CNTN4: variants seen among roughly 807,000 people sequenced by gnomAD.
CNTN4 encodes the protein contactin 4, also known as contactin-4.
In CNTN4, 77 loss-of-function variants were observed where a neutral mutation model predicts 122.5. That is an observed-to-expected ratio of 0.63 (90% CI 0.52 to 0.76). CNTN4 has a LOEUF of 0.76. Ranked by LOEUF, CNTN4 falls within the 30% of genes least tolerant of loss-of-function variation. The probability of loss-of-function intolerance (pLI) is 0.00; values close to 1 mark genes in which losing one functional copy is unlikely to be tolerated. For missense variants in CNTN4, 1,256 were observed against 1,259.1 expected (o/e 1.00, Z 0.04); for synonymous variants, 512 against 447.0 (o/e 1.15, Z -1.83).
chr3:2,790,531 C>T (rs1399962212), intron 6 of CNTN4, among the ~76,000 whole-genome samples: 1 of 152,160 alleles, frequency 6.6e-6, no homozygotes, highest in Non-Finnish European at 1.5e-5. Context: ...GTCACTGGGA[C>T]CCCCAGCTGA....
At chr3:2,181,262 C>T (rs939101046) in intron 2 of CNTN4, among the ~76,000 whole-genome samples, 19 of 151,880 alleles carry the variant, frequency 1.3e-4, no homozygotes, top group Non-Finnish European at 2.8e-4. Flanking sequence ...TGTGATCACC[C>T]CGAGGGTTTT....
chr3:2,406,407 C>G (rs2047038154), intron 3 of CNTN4, among the ~76,000 whole-genome samples: 1 of 152,160 alleles, frequency 6.6e-6, no homozygotes, highest in South Asian at 2.1e-4. Context: ...TATAAATTAA[C>G]TTAGCATCAT....
intron 3 of CNTN4, among the ~76,000 whole-genome samples, chr3:2,339,921 A>G (rs2150356215): frequency 6.6e-6 from 1 of 152,270 alleles, no homozygotes. Context: ...TGCTTCCTCT[A>G]GCTTCTGGTG....
intron 3 of CNTN4, among the ~76,000 whole-genome samples, chr3:2,539,934 A>T (rs1327698018): frequency 6.6e-6 from 1 of 152,058 alleles, no homozygotes; most frequent in African/African-American, 2.4e-5. Context: ...GAGGGAACTC[A>T]AGAGTTATTC....
intron 3 of CNTN4, among the ~76,000 whole-genome samples, chr3:2,483,783 A>G (rs1223285613): frequency 6.6e-6 from 1 of 152,148 alleles, no homozygotes; most frequent in Non-Finnish European, 1.5e-5. Flanking sequence ...CTCCCCAACC[A>G]TGTGGAACTG....
chr3:2,299,490 C>T (rs1312731909), intron 2 of CNTN4, among the ~76,000 whole-genome samples: 1 of 152,064 alleles, frequency 6.6e-6, no homozygotes, highest in Non-Finnish European at 1.5e-5. Flanking sequence ...TCTGAATCTT[C>T]AAAGTCCATT....
chr3:2,362,829 C>T (rs990492094), intron 3 of CNTN4: 2 of 183,434 alleles, frequency 1.1e-5, no homozygotes, highest in African/African-American at 2.4e-5. Flanking sequence ...TAAAACTGCT[C>T]TCTCCCAAAA....
intron 13 of CNTN4, among the ~76,000 whole-genome samples, chr3:2,930,467 G>C (rs1314869916): frequency 6.6e-6 from 1 of 152,108 alleles, no homozygotes; most frequent in East Asian, 1.9e-4. Context: ...AAATCACTGA[G>C]ACAAAATATT....
chr3:2,299,019 G>GC (rs1559428591), intron 2 of CNTN4, among the ~76,000 whole-genome samples: 1 of 628 alleles, frequency 1.6e-3, no homozygotes. Context: ...TTCACCTGTC[G>GC]GGGGGTTTTT....
intron 4 of CNTN4, among the ~76,000 whole-genome samples, chr3:2,733,289 G>C (rs1289593621): frequency 2.0e-5 from 3 of 152,128 alleles, no homozygotes; most frequent in Non-Finnish European, 4.4e-5. Context: ...TTCTCTCTTA[G>C]AGAAAATCCA....
chr3:2,529,711 T>G (rs1189852958), intron 3 of CNTN4, among the ~76,000 whole-genome samples: 1 of 152,098 alleles, frequency 6.6e-6, no homozygotes, highest in Non-Finnish European at 1.5e-5. Flanking sequence ...TCACACTCTG[T>G]TTAGCTGCCT....
intron 12 of CNTN4, 77 bp downstream of exon 12, chr3:2,903,082 A>G (rs754046956): frequency 6.9e-7 from 1 of 1,457,196 alleles, no homozygotes; most frequent in Non-Finnish European, 9.5e-7. Context: ...TGCCAAGCAT[A>G]AATGTTCAAT....
In CNTN4 at chr3:3,042,438, G is replaced by A; in HGVS notation, c.2511+16G>A. On this transcript the variant is annotated intron_variant, in intron 21 of 24. Coordinates refer to ENST00000418658, the MANE Select transcript of CNTN4 (RefSeq NM_175607.3). ...AGGTTATGAGGTAGGCAAGACATAT[G>A]TGCCTTGGGTCTGAAAGAGAGTCTA... is the stretch of plus-strand genomic sequence containing the variant. The A allele has an allele frequency of 6.6e-7, 1 of 1,509,300 alleles. No homozygotes were observed. Among genetic ancestry groups the A allele is most frequent in the Non-Finnish European group, 9.2e-7 (1 of 1,084,168 alleles). 93.5% of individuals were successfully genotyped at this position (1,509,300 alleles called of 1,614,324 possible). A position where few individuals can be genotyped will look rare whatever the true frequency, so the allele number is the denominator to read the frequency against.
chr3:2,596,179 A>T (rs1035551422), intron 4 of CNTN4, among the ~76,000 whole-genome samples: 13 of 152,202 alleles, frequency 8.5e-5, no homozygotes, highest in African/African-American at 3.1e-4. Flanking sequence ...GATAGGATGA[A>T]ATGTTAAAAA....
intron 7 of CNTN4, among the ~76,000 whole-genome samples, chr3:2,863,591 T>G (rs1403439183): frequency 2.0e-5 from 3 of 152,118 alleles, no homozygotes. Context: ...GAAACTGAAG[T>G]AATACAGTTA....
intron 4 of CNTN4, among the ~76,000 whole-genome samples, chr3:2,710,365 C>T (rs2087064599): frequency 1.3e-5 from 2 of 152,166 alleles, no homozygotes; most frequent in Non-Finnish European, 2.9e-5. Flanking sequence ...ATTAACTGTG[C>T]ATTATTGTGG....
At chr3:2,393,692 A>T (rs1434618146) in intron 3 of CNTN4, among the ~76,000 whole-genome samples, 1 of 152,164 alleles carries the variant, frequency 6.6e-6, no homozygotes, top group Non-Finnish European at 1.5e-5. Flanking sequence ...GATGTTTTCA[A>T]GTATTTCTGT....
intron 13 of CNTN4, among the ~76,000 whole-genome samples, chr3:2,948,250 C>T (rs1245777331): frequency 6.6e-6 from 1 of 152,164 alleles, no homozygotes; most frequent in Non-Finnish European, 1.5e-5. Flanking sequence ...CAGTTGGCCC[C>T]ATTAAACTAT....
At chr3:2,407,728 T>C (rs1241634691) in intron 3 of CNTN4, among the ~76,000 whole-genome samples, 2 of 152,200 alleles carry the variant, frequency 1.3e-5, no homozygotes, top group African/African-American at 4.8e-5. Flanking sequence ...GTCGTATCTG[T>C]GGTCTGATGG....
Sources: allele counts gnomAD v4.1 joint callset (sites outside exome capture counted in the v4.1 genomes callset), GRCh38; gene constraint gnomAD v4.1.1; transcripts MANE v1.5; gene names NCBI Gene and HGNC (gene_info 2026-07-23, HGNC 2026-07-21).